The following AGTRAP variants were observed in gnomAD, a reference collection of about 807,000 sequenced individuals.
The protein encoded by AGTRAP is type-1 angiotensin II receptor-associated protein.
In AGTRAP, 7 loss-of-function variants were observed where a neutral mutation model predicts 15.2. The observed-to-expected ratio is 0.46, with a 90% CI of 0.26 to 0.87. AGTRAP has a LOEUF of 0.87. Among genes scored for constraint, AGTRAP ranks in the 40% least tolerant of loss-of-function variants. The pLI, the probability that AGTRAP is intolerant of heterozygous loss-of-function variation, is 0.15. For synonymous variants in AGTRAP, 74 were observed against 89.6 expected, an observed-to-expected ratio of 0.83 and a Z score of 0.98; for missense variants, 187 against 213.4, an observed-to-expected ratio of 0.88 and a Z score of 0.77.
rs533429433 is a variant in AGTRAP, at chr1:11,748,682, C to A, written c.364+72C>A. ...CTTGCCTGGCCTCCAGCCTCTCCCT[C>A]AGTGAGCCAGCCTTGCCCCATGGGG... is the stretch of plus-strand genomic sequence containing the variant. On this transcript the variant is annotated intron_variant, in intron 4 of 4. Transcript: ENST00000314340. 5.2e-6 allele frequency: 8 copies of A among 1,525,764 alleles called. No homozygotes were observed. In the African/African-American group the frequency reaches 6.8e-5, roughly 13 times the overall value. The allele number at this position is 1,525,764 out of a possible 1,614,324, so 94.5% of individuals were successfully genotyped here.
In AGTRAP at chr1:11,745,977, C is replaced by A; in HGVS notation, c.62+140C>A. On this transcript the variant is annotated intron_variant, in intron 2 of 4. Coordinates refer to ENST00000314340, the MANE Select transcript of AGTRAP (RefSeq NM_020350.5). This position sits in a 1 kb window ranked among gnomAD's most constrained non-coding sequence, Gnocchi z 4.2. Reference sequence around the variant, plus strand: ...TGCCTCTCCGGGTCTTGATTTCCGTCTGTACAATAGGCATAAGGATTGCAC... The same window carrying A: ...TGCCTCTCCGGGTCTTGATTTCCGTATGTACAATAGGCATAAGGATTGCAC... The A allele has an allele frequency of 7.3e-7, 1 of 1,363,046 alleles. No homozygotes were observed. The highest frequency in any genetic ancestry group is 1.0e-6 in the Non-Finnish European group (1 of 953,528). The allele number at this position is 1,363,046 out of a possible 1,614,324, so 84.4% of individuals were successfully genotyped here.
At chr1:11,740,351 TGAA>T (rs1641998986) in intron 1 of AGTRAP, among the ~76,000 whole-genome samples, 1 of 152,194 alleles carries the variant, frequency 6.6e-6, no homozygotes, top group Admixed American at 6.5e-5. Flanking sequence ...GTTACACAGA[TGAA>T]GAAACTGAGG....
At chr1:11,742,805 C>G (rs889015643) in intron 1 of AGTRAP, among the ~76,000 whole-genome samples, 3 of 152,208 alleles carry the variant, frequency 2.0e-5, no homozygotes, top group African/African-American at 7.2e-5. Context: ...GTTGGGATTA[C>G]AGGCGTGAGC....
rs1438508297 is a variant in AGTRAP, at chr1:11,745,759, G to A, written c.28-44G>A. On this transcript the variant is annotated intron_variant, in intron 1 of 4. Transcript: ENST00000314340. The surrounding 1 kb of genome is among the most constrained non-coding windows in gnomAD (Gnocchi z 4.2). ...CCCGACGCTTTCCTGCCCCTGTGGT[G>A]GTCATGTTCACAGACCTCTTCTCTC... 5 of 1,609,110 alleles carry A rather than the reference G, an allele frequency of 3.1e-6. No homozygotes were observed. The highest frequency in any genetic ancestry group is 1.3e-5 in the African/African-American group (1 of 74,782).
intron 4 of AGTRAP, among the ~76,000 whole-genome samples, chr1:11,749,837 A>G (rs1642269690): frequency 6.6e-6 from 1 of 152,036 alleles, no homozygotes; most frequent in Non-Finnish European, 1.5e-5. Flanking sequence ...CCTTTGACCC[A>G]CAGTCTCCTC....
intron 1 of AGTRAP, among the ~76,000 whole-genome samples, chr1:11,736,809 T>G (rs1040843785): frequency 3.9e-5 from 6 of 152,258 alleles, no homozygotes; most frequent in African/African-American, 7.2e-5. Context: ...CCCAACTTTG[T>G]GCACTGGGGA....
chr1:11,744,183 G>T (rs1221079332), intron 1 of AGTRAP, among the ~76,000 whole-genome samples: 1 of 152,160 alleles, frequency 6.6e-6, no homozygotes, highest in Non-Finnish European at 1.5e-5. Flanking sequence ...GCTGAAGCAG[G>T]AGGATCACTT....
intron 2 of AGTRAP, chr1:11,746,136 A>T (rs1217161894): frequency 1.2e-6 from 2 of 1,613,564 alleles, no homozygotes; most frequent in African/African-American, 2.7e-5. Context: ...GCTTCTGGAG[A>T]CATTTCTCTG....
intron 1 of AGTRAP, among the ~76,000 whole-genome samples, chr1:11,742,965 T>A (rs1194255030): frequency 1.9e-4 from 29 of 152,224 alleles, no homozygotes; most frequent in Admixed American, 1.9e-3. Context: ...CATCTCTCCC[T>A]TCCAGCCTGA....
intron 1 of AGTRAP, among the ~76,000 whole-genome samples, chr1:11,740,428 A>G (rs989727563): frequency 2.6e-5 from 4 of 152,206 alleles, no homozygotes; most frequent in Non-Finnish European, 4.4e-5. Context: ...AACTGGTGCT[A>G]ACTTTGTTCA....
At chr1:11,744,290 A>G (rs151232589) in intron 1 of AGTRAP, among the ~76,000 whole-genome samples, 180 of 152,290 alleles carry the variant, frequency 1.2e-3, no homozygotes, top group African/African-American at 4.2e-3. Flanking sequence ...TTAAAAAGAA[A>G]AAAGTAGAAT....
intron 1 of AGTRAP, among the ~76,000 whole-genome samples, chr1:11,738,870 T>C (rs1330041791): frequency 6.6e-6 from 1 of 152,194 alleles, no homozygotes; most frequent in Non-Finnish European, 1.5e-5. Flanking sequence ...ACCAAGTGTT[T>C]GCACAGGACT....
rs17875984 is a variant in AGTRAP, at chr1:11,738,834, G to T, written c.27+2599G>T. On this transcript the variant is annotated intron_variant, in intron 1 of 4. Transcript: ENST00000314340. ...TCCCTGGGCCCCGGCCACCCTGGGG[G>T]ATCTCACTAGCACGTGTAACAGGCC... Among the ~76,000 whole-genome samples the T allele has an allele frequency of 4.9e-3, 752 of 152,314 alleles. 5 individuals carry two copies. The highest frequency in any genetic ancestry group is 7.5e-3 in the Admixed American group (114 of 15,302).
In AGTRAP at chr1:11,745,775, C is replaced by T. The variant is rs1358150769; in HGVS notation, c.28-28C>T. ...CCCTGTGGTGGTCATGTTCACAGAC[C>T]TCTTCTCTCCCCCTTGTTGTGCCAC... On this transcript the variant is annotated intron_variant, in intron 1 of 4. Transcript: ENST00000314340. The surrounding 1 kb of genome is among the most constrained non-coding windows in gnomAD (Gnocchi z 4.2). 6 of 1,613,790 alleles carry T rather than the reference C, an allele frequency of 3.7e-6. No individual in the cohort carries two copies. The Admixed American group carries it at 6.7e-5, about 18-fold the overall frequency.
chr1:11,737,769 G>T (rs11121814), intron 1 of AGTRAP, among the ~76,000 whole-genome samples: 3,401 of 152,206 alleles, frequency 0.022, 132 homozygotes, highest in African/African-American at 0.077. Context: ...GGCCTGACAG[G>T]CTAAGAGCAT....
intron 4 of AGTRAP, among the ~76,000 whole-genome samples, chr1:11,749,875 C>T (rs981037556): frequency 6.6e-6 from 1 of 152,096 alleles, no homozygotes; most frequent in Non-Finnish European, 1.5e-5. Context: ...AATAAAAATA[C>T]CCGTCGCACA....
At position 11,745,937 on chromosome 1, in the gene AGTRAP, T is replaced by C. The variant is rs1258039428; in HGVS notation, c.62+100T>C. On this transcript the variant is annotated intron_variant, in intron 2 of 4. Transcript: ENST00000314340. The surrounding 1 kb of genome is among the most constrained non-coding windows in gnomAD (Gnocchi z 4.2). ...CTGCCGTGTTTTAACCAGGTCACTT[T>C]GGGCCAGACAGCTCTGCCTCTCCGG... 2 of 1,502,968 alleles carry C rather than the reference T, an allele frequency of 1.3e-6. No individual in the cohort carries two copies. The highest frequency in any genetic ancestry group is 1.7e-5 in the Admixed American group (1 of 59,830). The allele number at this position is 1,502,968 out of a possible 1,614,324, so 93.1% of individuals were successfully genotyped here.
chr1:11,749,017 G>T (rs1445974660), intron 4 of AGTRAP, among the ~76,000 whole-genome samples: 1 of 152,134 alleles, frequency 6.6e-6, no homozygotes, highest in African/African-American at 2.4e-5. Context: ...GCCACATGGG[G>T]TCTTCCCTCT....
chr1:11,747,338 CTA>C (rs1203391622), intron 2 of AGTRAP, 100 bp from the exon 3 acceptor site: 17 of 1,089,100 alleles, frequency 1.6e-5, no homozygotes, highest in Admixed American at 5.3e-5. Flanking sequence ...GCCTCGAAGA[CTA>C]TGGCATGTTC....
Sources: gnomAD v4.1 joint callset for allele counts (sites outside exome capture counted in the v4.1 genomes callset) on GRCh38, gnomAD v4.1.1 for gene constraint, Gnocchi (gnomAD v3.1) non-coding constraint, MANE v1.5 for transcripts, NCBI Gene and HGNC (gene_info 2026-07-23, HGNC 2026-07-21) for gene names.